The following EDAR variants were observed in gnomAD, a reference collection of about 807,000 sequenced individuals.
The protein encoded by EDAR is tumor necrosis factor receptor superfamily member EDAR.
EDAR carries 38 observed loss-of-function variants against 51.3 expected under a neutral mutation model. The ratio of observed to expected loss-of-function variants is 0.74; its 90% CI spans 0.57 to 0.97. The LOEUF (loss-of-function observed/expected upper bound fraction) is 0.97. Ranked by LOEUF, EDAR falls within the 50% of genes least tolerant of loss-of-function variation. EDAR has a pLI of 0.00. For synonymous variants in EDAR, 227 were observed against 242.1 expected (o/e 0.94, Z 0.58); for missense variants, 528 against 595.0 (o/e 0.89, Z 1.17).
At chr2:108,945,211 G>A (rs921986370) in intron 1 of EDAR, among the ~76,000 whole-genome samples, 4 of 152,162 alleles carry the variant, frequency 2.6e-5, no homozygotes, top group Non-Finnish European at 4.4e-5. Flanking sequence ...CGAGCTCCCC[G>A]TCCTGGGGCA....
At chr2:108,954,299 C>G (rs1197748062) in intron 1 of EDAR, among the ~76,000 whole-genome samples, 1 of 152,180 alleles carries the variant, frequency 6.6e-6, no homozygotes, top group African/African-American at 2.4e-5. Flanking sequence ...AAGACCTATA[C>G]CCCAAGATAT....
chr2:108,966,839 T>C (rs753439276), intron 1 of EDAR, among the ~76,000 whole-genome samples: 1 of 152,100 alleles, frequency 6.6e-6, no homozygotes, highest in Non-Finnish European at 1.5e-5. Context: ...AACTGCTGAG[T>C]AGGACAAACA....
At chr2:108,961,292 G>C (rs115086298) in intron 1 of EDAR, among the ~76,000 whole-genome samples, 11,181 of 152,258 alleles carry the variant, frequency 0.073, 598 homozygotes, top group Non-Finnish European at 0.11. Flanking sequence ...TAATTAAGAG[G>C]GGGAGACACA....
rs764524798 is a variant in EDAR, at chr2:108,923,421, A to T, written c.389T>A (p.Ile130Asn). The change falls in exon 5 of 12, where the codon ATC becomes AAC. Residue 130 changes from isoleucine to asparagine, a missense_variant. Physicochemically the swap from Ile to Asn is moderately radical, Grantham distance 149. Coordinates refer to ENST00000258443, the MANE Select transcript of EDAR (RefSeq NM_022336.4). Reference sequence around the variant, plus strand: ...GCAGGAGTAGCAGACCATGCCATAGATGTTCCTCGGTCTGTTCTCCAGCAT... The same window carrying T: ...GCAGGAGTAGCAGACCATGCCATAGTTGTTCCTCGGTCTGTTCTCCAGCAT... ...YYMLENRPRN[I>N]YGMVCYSCLL... 2 of 1,614,174 alleles carry T rather than the reference A, an allele frequency of 1.2e-6. No homozygotes were observed. The highest frequency in any genetic ancestry group is 2.2e-5 in the East Asian group (1 of 44,886).
intron 1 of EDAR, among the ~76,000 whole-genome samples, chr2:108,962,879 TG>T (rs1698078959): frequency 6.6e-6 from 1 of 152,076 alleles, no homozygotes; most frequent in African/African-American, 2.4e-5. Context: ...TCAATGGTTT[TG>T]TCAAAGATCT....
At chr2:108,931,729 CT>C (rs374981111) in intron 1 of EDAR, among the ~76,000 whole-genome samples, 8 of 150,030 alleles carry the variant, frequency 5.3e-5, no homozygotes, top group African/African-American at 9.8e-5. Context: ...GTTTTTTTTT[CT>C]TTTTTTTTGC....
In EDAR at chr2:108,900,571, A is replaced by C. The variant is rs72836543; in HGVS notation, c.1025-3342T>G. 2.8e-4 allele frequency among the ~76,000 whole-genome samples: 42 copies of C among 147,476 alleles called. No homozygotes were observed. In the South Asian group the frequency reaches 6.3e-3, roughly 22 times the overall value. ...ACTCCAAAAAAAAAGAAAAAAAAAAAAACAAAAAACCCAAACCAAACCAAA... is the reference window on the plus strand; with the variant it reads ...ACTCCAAAAAAAAAGAAAAAAAAAACAACAAAAAACCCAAACCAAACCAAA... On this transcript the variant is annotated intron_variant, in intron 11 of 11. Transcript: ENST00000258443.
At chr2:108,932,946 C>T (rs981007912) in intron 1 of EDAR, among the ~76,000 whole-genome samples, 2 of 152,174 alleles carry the variant, frequency 1.3e-5, no homozygotes, top group African/African-American at 4.8e-5. Flanking sequence ...GCACGCCTGT[C>T]CTGCCTCCCG....
rs1363621708 is a variant in EDAR at position 108,912,762 on chromosome 2, C to T, written c.445G>A (p.Val149Met). Residue 149 changes from valine to methionine, a missense_variant and splice_region_variant, in exon 6 of 12, where the codon GTG (valine) becomes ATG (methionine). By Grantham distance (21) the Val-to-Met change is conservative. Coordinates refer to ENST00000258443, the MANE Select transcript of EDAR (RefSeq NM_022336.4). ...LLAPPNTKEC[V>M]GATSGASANF... ...GCAGAAGCTCCTGAAGTGGCTCCCA[C>T]ACCTGCAAGGAAAATAGAGTCCCTC... 20 of 1,590,708 alleles carry T rather than the reference C, an allele frequency of 1.3e-5. No homozygotes were observed. Among genetic ancestry groups the T allele is most frequent in the East Asian group, 2.3e-5 (1 of 44,038 alleles).
At chr2:108,929,993 G>T in intron 3 of EDAR, 127 bp downstream of exon 3, 1 of 1,172,752 alleles carries the variant, frequency 8.5e-7, no homozygotes, top group Non-Finnish European at 1.2e-6. Context: ...CGTCCAGGGA[G>T]CGTGACCGGC....
rs1272541731 is a variant in EDAR at position 108,940,955 on chromosome 2, C to A, written c.-18-9923G>T. ...GGGAGACTTTGATAACGTATATACA[C>A]CCCCTGTGGCTTGATACAGAGCCCA... On this transcript the variant is annotated intron_variant, in intron 1 of 11. Transcript: ENST00000258443. Among the ~76,000 whole-genome samples the A allele has an allele frequency of 3.3e-5, 5 of 152,292 alleles. No individual in the cohort carries two copies. In the South Asian group the frequency reaches 8.3e-4, roughly 25 times the overall value.
chr2:108,972,198 T>G (rs532726506), intron 1 of EDAR, among the ~76,000 whole-genome samples: 9 of 152,378 alleles, frequency 5.9e-5, no homozygotes, highest in Non-Finnish European at 1.0e-4. Context: ...GAGTCATTTA[T>G]TACACAGCAC....
At chr2:108,973,657 G>A (rs1041474171) in intron 1 of EDAR, among the ~76,000 whole-genome samples, 9 of 152,150 alleles carry the variant, frequency 5.9e-5, no homozygotes, top group African/African-American at 1.4e-4. Context: ...TCCAGGGGTC[G>A]TGTGTCCTAG....
chr2:108,974,061 G>T (rs1238264425), intron 1 of EDAR, among the ~76,000 whole-genome samples: 1 of 152,160 alleles, frequency 6.6e-6, no homozygotes, highest in Non-Finnish European at 1.5e-5. Flanking sequence ...CAGGCGCGGT[G>T]GCTCACGCCT....
At chr2:108,952,180 T>C (rs935608389) in intron 1 of EDAR, among the ~76,000 whole-genome samples, 1 of 152,062 alleles carries the variant, frequency 6.6e-6, no homozygotes, top group African/African-American at 2.4e-5. Context: ...GGGGAGAGAA[T>C]TTCAGGTATG....
At chr2:108,972,793 G>C (rs922386895) in intron 1 of EDAR, among the ~76,000 whole-genome samples, 1 of 152,150 alleles carries the variant, frequency 6.6e-6, no homozygotes, top group African/African-American at 2.4e-5. Flanking sequence ...GGACCGGGGG[G>C]CCTCCGGCAG....
At position 108,911,037 on chromosome 2, in the gene EDAR, T is replaced by C; in HGVS notation, c.565A>G (p.Ile189Val). Residue 189 changes from isoleucine to valine, a missense_variant, in exon 7 of 12, where the codon ATC (isoleucine) becomes GTC (valine). Transcript: ENST00000258443. ...ATGAAGATGGTGGACATTGCAATGA[T>C]CAGGGCAGTGGCCAGGTGTCCTTGG... ...SGQGHLATAL[I>V]IAMSTIFIMA... is the part of the protein sequence containing the mutation. 2 of 1,614,152 alleles carry C rather than the reference T, an allele frequency of 1.2e-6. No individual in the cohort carries two copies. The highest frequency in any genetic ancestry group is 1.7e-6 in the Non-Finnish European group (2 of 1,180,026).
At chr2:108,988,432 C>T (rs1698532717) in intron 1 of EDAR, among the ~76,000 whole-genome samples, 1 of 152,180 alleles carries the variant, frequency 6.6e-6, no homozygotes, top group African/African-American at 2.4e-5. Context: ...CCACTCCCCT[C>T]CTTCTCTCCC....
chr2:108,970,641 T>A (rs1401727369), intron 1 of EDAR, among the ~76,000 whole-genome samples: 1 of 152,062 alleles, frequency 6.6e-6, no homozygotes, highest in Non-Finnish European at 1.5e-5. Context: ...AATACTTCAC[T>A]TCCTTCCTGC....
Sources: gnomAD v4.1 joint callset for allele counts (sites outside exome capture counted in the v4.1 genomes callset) on GRCh38, gnomAD v4.1.1 for gene constraint, MANE v1.5 for transcripts, NCBI Gene and HGNC (gene_info 2026-07-23, HGNC 2026-07-21) for gene names.